CALD1: variants seen among roughly 807,000 people sequenced by gnomAD.
The protein encoded by CALD1 is caldesmon.
Under a neutral mutation model 99.9 loss-of-function variants are expected in CALD1, and 33 were observed. The observed-to-expected ratio is 0.33, with a 90% CI of 0.25 to 0.44. The LOEUF (loss-of-function observed/expected upper bound fraction) is 0.44. CALD1 is among the 20% of genes least tolerant of loss of function. The pLI, the probability that CALD1 is intolerant of heterozygous loss-of-function variation, is 1.00. For missense variants in CALD1, 861 were observed against 962.1 expected, an observed-to-expected ratio of 0.89 and a Z score of 1.39; for synonymous variants, 310 against 325.0, an observed-to-expected ratio of 0.95 and a Z score of 0.50.
upstream of CALD1, among the ~76,000 whole-genome samples, chr7:134,776,320 T>G (rs969301430): frequency 1.3e-5 from 2 of 151,940 alleles, no homozygotes; most frequent in African/African-American, 4.8e-5. Context: ...TTTCCAAGAG[T>G]TTTTTTTCCA....
intron 1 of CALD1, among the ~76,000 whole-genome samples, chr7:134,803,984 C>T (rs1798042022): frequency 6.6e-6 from 1 of 152,244 alleles, no homozygotes; most frequent in African/African-American, 2.4e-5. Flanking sequence ...GCGTGAGCCA[C>T]CACACCCAGC....
chr7:134,723,236 T>C, the CALD1 span, among the ~76,000 whole-genome samples: 1 of 152,196 alleles, frequency 6.6e-6, no homozygotes, highest in African/African-American at 2.4e-5. Flanking sequence ...AGATCACATA[T>C]GTAAAGGGCA....
chr7:134,851,151 T>A (rs944551569), intron 2 of CALD1, among the ~76,000 whole-genome samples: 2 of 152,194 alleles, frequency 1.3e-5, no homozygotes, highest in African/African-American at 4.8e-5. Context: ...CTCATAGGGA[T>A]GCAGGGATGC....
intron 3 of CALD1, chr7:134,891,710 C>CT (rs762081711): frequency 0.056 from 52,231 of 924,898 alleles, 2 homozygotes; most frequent in East Asian, 0.086. Flanking sequence ...TTTTTCCTTT[C>CT]TTTTTTTTTT....
intron 1 of CALD1, among the ~76,000 whole-genome samples, chr7:134,824,685 G>A (rs1798918101): frequency 6.6e-6 from 1 of 152,168 alleles, no homozygotes; most frequent in African/African-American, 2.4e-5. Context: ...AATAGATACT[G>A]TGGCATTTGA....
At chr7:134,954,278 G>T (rs1006387834) in intron 9 of CALD1, among the ~76,000 whole-genome samples, 11 of 152,110 alleles carry the variant, frequency 7.2e-5, no homozygotes, top group African/African-American at 2.7e-4. Context: ...TAAATTCAAA[G>T]ATTTTTTAAT....
chr7:134,901,171 T>A (rs1176269019), intron 3 of CALD1, among the ~76,000 whole-genome samples: 1 of 151,778 alleles, frequency 6.6e-6, no homozygotes, highest in Non-Finnish European at 1.5e-5. Flanking sequence ...AGTAGGGTTT[T>A]TTTTTTTTTT....
Position 134,950,527 on chromosome 7 carries a change from C to T in CALD1, c.1935+13C>T. 1 of 1,609,534 alleles carries T rather than the reference C, an allele frequency of 6.2e-7. No homozygotes were observed. The highest frequency in any genetic ancestry group is 8.5e-7 in the Non-Finnish European group (1 of 1,176,632). On this transcript the variant is annotated intron_variant, in intron 9 of 14. Coordinates refer to ENST00000361675, the MANE Select transcript of CALD1 (RefSeq NM_033138.4). ...TTCATCTCTCAAGGTATTTTTTTCCCCAGAAAACTTCTATTAGAATATGAT... is the reference window on the plus strand; with the variant it reads ...TTCATCTCTCAAGGTATTTTTTTCCTCAGAAAACTTCTATTAGAATATGAT...
In CALD1 at chr7:134,871,677, A is replaced by G. The variant is rs1801086088; in HGVS notation, c.71+3873A>G. Among the ~76,000 whole-genome samples the G allele has an allele frequency of 2.6e-5, 4 of 152,216 alleles. No individual in the cohort carries two copies. The South Asian group carries it at 8.3e-4, about 32-fold the overall frequency. ...CAGTGTGGGGGATGGGGTATACTACAGAGAAGAGAAAGTCCATTGACTTTC... is the reference window on the plus strand; with the variant it reads ...CAGTGTGGGGGATGGGGTATACTACGGAGAAGAGAAAGTCCATTGACTTTC... On this transcript the variant is annotated intron_variant, in intron 3 of 14. Transcript: ENST00000361675.
chr7:134,857,158 CTTTTTTTTTTTTTTTTT>C (rs59210460), intron 2 of CALD1, among the ~76,000 whole-genome samples: 1,769 of 75,486 alleles, frequency 0.023, 65 homozygotes, highest in African/African-American at 0.077. Flanking sequence ...TTGCGCTATT[CTTTTTTTTTTTTTTTTT>C]TTTTTTTTTT....
chr7:134,968,587 TAG>T lies in CALD1; in HGVS notation c.*246_*247del, dbSNP rs753185020. On this transcript the variant is annotated 3_prime_UTR_variant, in exon 15 of 15. Transcript: ENST00000361675. ...TTCTAAAGAAACCCATGCTGTGAAA[TAG>T]AGACTTTTCTACTGATCATCATAAC... 1.5e-5 allele frequency: 10 copies of T among 689,440 alleles called. No individual in the cohort carries two copies. In the South Asian group the frequency reaches 1.5e-4, roughly 10 times the overall value. The allele number at this position is 689,440 out of a possible 1,614,324, so 42.7% of individuals were successfully genotyped here.
intron 2 of CALD1, among the ~76,000 whole-genome samples, chr7:134,851,967 G>A (rs572709730): frequency 1.3e-5 from 2 of 152,182 alleles, no homozygotes; most frequent in Non-Finnish European, 2.9e-5. Context: ...TTTTCAATGA[G>A]TTCAACTCAG....
chr7:134,968,880 C>G lies in CALD1; in HGVS notation c.*535C>G. 1 of 185,868 alleles carries G rather than the reference C, an allele frequency of 5.4e-6. No homozygotes were observed. Among genetic ancestry groups the G allele is most frequent in the East Asian group, 1.2e-4 (1 of 8,508 alleles). The allele number at this position is 185,868 out of a possible 1,614,324, so 11.5% of individuals were successfully genotyped here. A position where few individuals can be genotyped will look rare whatever the true frequency, so the allele number is the denominator to read the frequency against. On this transcript the variant is annotated 3_prime_UTR_variant, in exon 15 of 15. Coordinates refer to ENST00000361675, the MANE Select transcript of CALD1 (RefSeq NM_033138.4). ...TCTTTAAAAAAAAAAAAGAAATGTA[C>G]TGTTAAGGTATTACTTTTTTTCATG...
At chr7:134,877,890 A>T (rs140488660) in intron 3 of CALD1, among the ~76,000 whole-genome samples, 1 of 152,216 alleles carries the variant, frequency 6.6e-6, no homozygotes, top group East Asian at 1.9e-4. Context: ...TTTTGAAAAA[A>T]TGTATCCCAA....
chr7:134,919,948 A>G (rs1804494579), intron 3 of CALD1, among the ~76,000 whole-genome samples: 1 of 152,108 alleles, frequency 6.6e-6, no homozygotes. Context: ...TTTCCTCCAT[A>G]ATTTTTAATG....
chr7:134,904,640 T>C lies in CALD1; in HGVS notation c.72-24114T>C, dbSNP rs189945580. On this transcript the variant is annotated intron_variant, in intron 3 of 14. Transcript: ENST00000361675. ...TGTTGGGGCAGGGAGGACAGCTGGG[T>C]CCTTCCCTCACAGGTAAAAAACCTG... Among the ~76,000 whole-genome samples the C allele has an allele frequency of 2.8e-4, 43 of 152,180 alleles. No individual in the cohort carries two copies. In the East Asian group the frequency reaches 8.1e-3, roughly 29 times the overall value.
At chr7:134,758,501 G>GGTGTGTGT (rs59389296) in intron 1 of CALD1, among the ~76,000 whole-genome samples, 3,786 of 145,146 alleles carry the variant, frequency 0.026, 67 homozygotes, top group East Asian at 0.048. Flanking sequence ...CTCCCATTGG[G>GGTGTGTGT]GTGTGTGTGT....
chr7:134,917,687 A>T (rs1160876736), intron 3 of CALD1, among the ~76,000 whole-genome samples: 1 of 152,182 alleles, frequency 6.6e-6, no homozygotes, highest in Admixed American at 6.5e-5. Context: ...GACTGTTATA[A>T]ACAAAGAATT....
rs564446939 is a variant in CALD1, at chr7:134,892,565, A to T, written c.71+24761A>T. Reference sequence around the variant, plus strand: ...GCGTTTGTGCAACAGTTAATCAAATAAACAGAGAAACTCATCAGGGTCCTA... The same window carrying T: ...GCGTTTGTGCAACAGTTAATCAAATTAACAGAGAAACTCATCAGGGTCCTA... On this transcript the variant is annotated intron_variant, in intron 3 of 14. Coordinates refer to ENST00000361675, the MANE Select transcript of CALD1 (RefSeq NM_033138.4). Among the ~76,000 whole-genome samples, 132 of 152,302 alleles carry T rather than the reference A, an allele frequency of 8.7e-4. 1 individual carries two copies. The highest frequency in any genetic ancestry group is 2.9e-3 in the African/African-American group (119 of 41,576).
Sources: gnomAD v4.1 joint callset for allele counts (sites outside exome capture counted in the v4.1 genomes callset) on GRCh38, gnomAD v4.1.1 for gene constraint, MANE v1.5 for transcripts, NCBI Gene and HGNC (gene_info 2026-07-23, HGNC 2026-07-21) for gene names.